PACS2: variants seen among roughly 807,000 people sequenced by gnomAD.
PACS2 encodes phosphofurin acidic cluster sorting protein 2, also known as PACS1-like protein.
Under a neutral mutation model 113.0 loss-of-function variants are expected in PACS2, and 36 were observed. The ratio of observed to expected loss-of-function variants is 0.32; its 90% CI spans 0.24 to 0.42. The LOEUF (loss-of-function observed/expected upper bound fraction) is 0.42. PACS2 is among the 10% of genes least tolerant of loss of function. PACS2 has a pLI of 1.00. For synonymous variants in PACS2, 589 were observed against 536.1 expected, an observed-to-expected ratio of 1.10 and a Z score of -1.36; for missense variants, 1,015 against 1,239.5, an observed-to-expected ratio of 0.82 and a Z score of 2.72.
rs934782120 is a variant in PACS2 at position 105,377,240 on chromosome 14, C to G, written c.959+315C>G. Among the ~76,000 whole-genome samples the G allele has an allele frequency of 3.9e-5, 6 of 152,230 alleles. No individual in the cohort carries two copies. The East Asian group carries it at 1.2e-3, about 30-fold the overall frequency. On this transcript the variant is annotated intron_variant, in intron 9 of 24. Coordinates refer to ENST00000447393, the MANE Select transcript of PACS2 (RefSeq NM_001100913.3). ...TGGCACCCCGTTGTAGGGGATCCGTCTCTGGGGGATGCCCTGGGAACTGCA... is the reference window on the plus strand; with the variant it reads ...TGGCACCCCGTTGTAGGGGATCCGTGTCTGGGGGATGCCCTGGGAACTGCA...
chr14:105,339,048 C>T (rs782641944), intron 1 of PACS2, among the ~76,000 whole-genome samples: 9 of 152,222 alleles, frequency 5.9e-5, no homozygotes, highest in Admixed American at 2.0e-4. Flanking sequence ...AGGCTGACTT[C>T]AGAGGTGCTC....
chr14:105,328,570 A>C (rs1385701447), intron 1 of PACS2, among the ~76,000 whole-genome samples: 1 of 152,184 alleles, frequency 6.6e-6, no homozygotes, highest in Non-Finnish European at 1.5e-5. Context: ...TGAAGCTGGA[A>C]TATTCCACAA....
At position 105,396,497 on chromosome 14, in the gene PACS2, CTTT is replaced by C. The variant is rs1170035802; in HGVS notation, c.*1844_*1846del. The C allele has an allele frequency of 1.4e-4, 16 of 115,602 alleles. No individual in the cohort carries two copies. Among genetic ancestry groups the C allele is most frequent in the African/African-American group, 4.6e-4 (13 of 28,482 alleles). The allele number at this position is 115,602 out of a possible 1,614,324, so 7.2% of individuals were successfully genotyped here. On this transcript the variant is annotated 3_prime_UTR_variant, in exon 25 of 25. Coordinates refer to ENST00000447393, the MANE Select transcript of PACS2 (RefSeq NM_001100913.3). ...GTTTTTCTGCTCTCCAGTTTCTTTTCTTTTTTTTTTTTTTTTTTTTTGAGATGG... is the reference window on the plus strand; with the variant it reads ...GTTTTTCTGCTCTCCAGTTTCTTTTCTTTTTTTTTTTTTTTTTTGAGATGG...
chr14:105,301,564 G>T (rs996501980), intron 1 of PACS2, among the ~76,000 whole-genome samples: 2 of 151,890 alleles, frequency 1.3e-5, no homozygotes, highest in African/African-American at 4.8e-5. Context: ...GGAGACACCC[G>T]CCAGGGGCCA....
In PACS2 at chr14:105,366,922, G is replaced by A. The variant is rs2060960938; in HGVS notation, c.424-291G>A. 6.6e-6 allele frequency among the ~76,000 whole-genome samples: 1 copy of A among 152,138 alleles called. No individual in the cohort carries two copies. Among genetic ancestry groups the A allele is most frequent in the African/African-American group, 2.4e-5 (1 of 41,428 alleles). On this transcript the variant is annotated intron_variant, in intron 4 of 24. Coordinates refer to ENST00000447393, the MANE Select transcript of PACS2 (RefSeq NM_001100913.3). This position sits in a 1 kb window ranked among gnomAD's most constrained non-coding sequence, Gnocchi z 4.3. ...TCCCTCGTGACTGTGCCTGGCACTG[G>A]CCTCTCCAGCACAGCCCAGTGCCCT... is the stretch of plus-strand genomic sequence containing the variant.
intron 1 of PACS2, chr14:105,301,099 G>A (rs1433160026): frequency 6.6e-6 from 1 of 152,330 alleles, no homozygotes; most frequent in Non-Finnish European, 1.5e-5. Context: ...GCTAAGGGTG[G>A]GGCCTCGCGG....
Position 105,354,670 on chromosome 14 carries a change from C to T in PACS2, c.298-382C>T, listed in dbSNP as rs1387862418. On this transcript the variant is annotated intron_variant, in intron 3 of 24. Transcript: ENST00000447393. This position sits in a 1 kb window ranked among gnomAD's most constrained non-coding sequence, Gnocchi z 4.2. ...GCCCTGTGTGCCCCTCGCGGAAAAGCGTCCTGGGTCCCACCTTGCTGATTG... is the reference window on the plus strand; with the variant it reads ...GCCCTGTGTGCCCCTCGCGGAAAAGTGTCCTGGGTCCCACCTTGCTGATTG... Among the ~76,000 whole-genome samples, 1 of 152,218 alleles carries T rather than the reference C, an allele frequency of 6.6e-6. No individual in the cohort carries two copies. The highest frequency in any genetic ancestry group is 1.5e-5 in the Non-Finnish European group (1 of 68,032).
At chr14:105,328,318 TC>T (rs2140892733) in intron 1 of PACS2, among the ~76,000 whole-genome samples, 1 of 152,326 alleles carries the variant, frequency 6.6e-6, no homozygotes, top group East Asian at 1.9e-4. Flanking sequence ...GAGAATGTGG[TC>T]CCTTCAGAAA....
In PACS2 at chr14:105,396,370, C is replaced by G. The variant is rs910592592; in HGVS notation, c.*1698C>G. Reference sequence around the variant, plus strand: ...CAGGCTCTGCCCCGAGAAGTGTCTGCGGTGAGGGTGTGAGCCCCGGGCTGA... The same window carrying G: ...CAGGCTCTGCCCCGAGAAGTGTCTGGGGTGAGGGTGTGAGCCCCGGGCTGA... On this transcript the variant is annotated 3_prime_UTR_variant, in exon 25 of 25. Transcript: ENST00000447393. 1 of 152,290 alleles carries G rather than the reference C, an allele frequency of 6.6e-6. No homozygotes were observed. Among genetic ancestry groups the G allele is most frequent in the African/African-American group, 2.4e-5 (1 of 41,428 alleles). 9.4% of individuals were successfully genotyped at this position (152,290 alleles called of 1,614,324 possible).
intron 1 of PACS2, among the ~76,000 whole-genome samples, chr14:105,337,423 T>C (rs1555400751): frequency 6.6e-6 from 1 of 152,206 alleles, no homozygotes; most frequent in Non-Finnish European, 1.5e-5. Context: ...GAAAAATGGT[T>C]CAAACGGCAA....
intron 1 of PACS2, among the ~76,000 whole-genome samples, chr14:105,346,461 C>T (rs1390320847): frequency 1.3e-5 from 2 of 149,032 alleles, no homozygotes; most frequent in African/African-American, 5.0e-5. Flanking sequence ...GCATGCACGG[C>T]TCCCCCACCC....
chr14:105,320,710 T>C (rs758439637), intron 1 of PACS2, among the ~76,000 whole-genome samples: 3 of 152,244 alleles, frequency 2.0e-5, no homozygotes, highest in Non-Finnish European at 4.4e-5. Flanking sequence ...GTCTATGTGC[T>C]TCCTTTCTTC....
Position 105,355,248 on chromosome 14 carries a change from A to G in PACS2, c.423+71A>G, listed in dbSNP as rs587629263. Reference sequence around the variant, plus strand: ...GTGCCAGAGCATTCGCCCGTGGGAGATGGAGATGTCTCTCCCGGGTCCAGA... The same window carrying G: ...GTGCCAGAGCATTCGCCCGTGGGAGGTGGAGATGTCTCTCCCGGGTCCAGA... On this transcript the variant is annotated intron_variant, in intron 4 of 24. Transcript: ENST00000447393. This position sits in a 1 kb window ranked among gnomAD's most constrained non-coding sequence, Gnocchi z 4.1. 71 of 1,528,314 alleles carry G rather than the reference A, an allele frequency of 4.6e-5. No individual in the cohort carries two copies. The African/African-American group carries it at 9.1e-4, about 20-fold the overall frequency. 94.7% of individuals were successfully genotyped at this position (1,528,314 alleles called of 1,614,324 possible).
At chr14:105,319,626 A>G (rs1019433451) in intron 1 of PACS2, among the ~76,000 whole-genome samples, 5 of 152,184 alleles carry the variant, frequency 3.3e-5, no homozygotes, top group Non-Finnish European at 7.3e-5. Flanking sequence ...GTCTTTTGCA[A>G]AAGACAAAGT....
At position 105,376,943 on chromosome 14, in the gene PACS2, G is replaced by A; in HGVS notation, c.959+18G>A. ...AAGCTGCGGTGAGCCCTACAGGGCGGGGCGGGGAGGAACAGCCATTTCAGA... is the reference window on the plus strand; with the variant it reads ...AAGCTGCGGTGAGCCCTACAGGGCGAGGCGGGGAGGAACAGCCATTTCAGA... On this transcript the variant is annotated intron_variant, in intron 9 of 24. Coordinates refer to ENST00000447393, the MANE Select transcript of PACS2 (RefSeq NM_001100913.3). The surrounding 1 kb of genome is among the most constrained non-coding windows in gnomAD (Gnocchi z 4.7). The A allele has an allele frequency of 1.3e-6, 2 of 1,572,822 alleles. No individual in the cohort carries two copies. The highest frequency in any genetic ancestry group is 1.2e-5 in the South Asian group (1 of 86,868).
At chr14:105,303,732 C>T (rs1369227994) in intron 1 of PACS2, among the ~76,000 whole-genome samples, 1 of 152,162 alleles carries the variant, frequency 6.6e-6, no homozygotes, top group Non-Finnish European at 1.5e-5. Flanking sequence ...CCTCCCGGAT[C>T]CAAGGGTTAT....
intron 1 of PACS2, among the ~76,000 whole-genome samples, chr14:105,326,256 CT>C (rs1407758191): frequency 6.6e-6 from 1 of 152,208 alleles, no homozygotes; most frequent in African/African-American, 2.4e-5. Context: ...CCCGCACCTG[CT>C]TCCTGGTCCT....
intron 16 of PACS2, 26 bp downstream of exon 16, chr14:105,383,539 C>T (rs1595158486): frequency 1.9e-6 from 3 of 1,558,732 alleles, no homozygotes; most frequent in Non-Finnish European, 1.7e-6. Flanking sequence ...TCCACCTGGG[C>T]CTGGGCACAG....
chr14:105,336,957 C>G (rs190286592), intron 1 of PACS2, among the ~76,000 whole-genome samples: 8 of 152,234 alleles, frequency 5.3e-5, no homozygotes, highest in Admixed American at 3.3e-4. Flanking sequence ...GCCTTACTCA[C>G]GGTGACTGCG....
Sources: gnomAD v4.1 joint callset for allele counts (sites outside exome capture counted in the v4.1 genomes callset) on GRCh38, gnomAD v4.1.1 for gene constraint, Gnocchi (gnomAD v3.1) non-coding constraint, MANE v1.5 for transcripts, NCBI Gene and HGNC (gene_info 2026-07-23, HGNC 2026-07-21) for gene names.